Variants in PIP5K1B observed in about 807,000 individuals in gnomAD.
PIP5K1B encodes the protein phosphatidylinositol 4-phosphate 5-kinase type-1 beta.
Under a neutral mutation model 67.0 loss-of-function variants are expected in PIP5K1B, and 42 were observed. The observed-to-expected ratio is 0.63, with a 90% CI of 0.49 to 0.81. The LOEUF is 0.81. Among genes scored for constraint, PIP5K1B ranks in the 30% least tolerant of loss-of-function variants. PIP5K1B has a pLI of 0.00. For missense variants in PIP5K1B, 459 were observed against 646.3 expected (o/e 0.71, Z 3.14); for synonymous variants, 214 against 231.4 (o/e 0.92, Z 0.68).
chr9:68,997,945 A>G (rs1830664025), intron 15 of PIP5K1B, among the ~76,000 whole-genome samples: 1 of 151,236 alleles, frequency 6.6e-6, no homozygotes, highest in Admixed American at 6.6e-5. Context: ...ATTGAATGAC[A>G]GTTTGCAGGG....
chr9:68,827,518 C>T (rs17483165), intron 4 of PIP5K1B, among the ~76,000 whole-genome samples: 14,351 of 152,016 alleles, frequency 0.094, 854 homozygotes, highest in Non-Finnish European at 0.14. Context: ...AGTTTTCAGG[C>T]GGTGATGTAC....
At chr9:68,780,291 G>A (rs773822144) in intron 2 of PIP5K1B, 10 of 1,591,540 alleles carry the variant, frequency 6.3e-6, no homozygotes, top group Non-Finnish European at 7.7e-6. Flanking sequence ...CCTGATCCAC[G>A]GCCTCAGTGA....
intron 8 of PIP5K1B, among the ~76,000 whole-genome samples, chr9:68,898,812 C>T (rs1825220554): frequency 2.0e-5 from 3 of 152,220 alleles, no homozygotes; most frequent in Admixed American, 2.0e-4. Context: ...ACAGCCACTG[C>T]TTTTATTGAG....
At chr9:68,827,269 GGT>G (rs1834035995) in intron 4 of PIP5K1B, among the ~76,000 whole-genome samples, 1 of 152,150 alleles carries the variant, frequency 6.6e-6, no homozygotes, top group African/African-American at 2.4e-5. Context: ...GCTACCCTTG[GGT>G]GCTGGTTTGA....
At chr9:68,930,381 G>C (rs913476898) in intron 12 of PIP5K1B, among the ~76,000 whole-genome samples, 1 of 151,830 alleles carries the variant, frequency 6.6e-6, no homozygotes, top group African/African-American at 2.4e-5. Context: ...CTCTCTACCT[G>C]GGTCCACGTC....
At chr9:68,860,667 A>G (rs1408908285) in intron 4 of PIP5K1B, among the ~76,000 whole-genome samples, 2 of 152,208 alleles carry the variant, frequency 1.3e-5, no homozygotes, top group Non-Finnish European at 2.9e-5. Context: ...ACTCCACCAC[A>G]TACTAGCAAA....
At chr9:68,795,407 C>T (rs140746626) in intron 2 of PIP5K1B, among the ~76,000 whole-genome samples, 1 of 152,230 alleles carries the variant, frequency 6.6e-6, no homozygotes, top group African/African-American at 2.4e-5. Flanking sequence ...AAACTGGTAA[C>T]TTGAATAAAT....
chr9:68,906,479 T>C (rs1355277751), intron 8 of PIP5K1B, among the ~76,000 whole-genome samples: 3 of 152,222 alleles, frequency 2.0e-5, no homozygotes, highest in African/African-American at 7.2e-5. Flanking sequence ...CATGAATTGA[T>C]ATATAACATT....
intron 14 of PIP5K1B, among the ~76,000 whole-genome samples, chr9:68,985,398 C>G (rs1412626489): frequency 6.6e-6 from 1 of 152,018 alleles, no homozygotes; most frequent in African/African-American, 2.4e-5. Context: ...ATTACAGGCT[C>G]CCACCACCAC....
intron 12 of PIP5K1B, among the ~76,000 whole-genome samples, chr9:68,930,891 A>G (rs940204986): frequency 6.6e-6 from 1 of 152,180 alleles, no homozygotes; most frequent in African/African-American, 2.4e-5. Flanking sequence ...GAATAATGCA[A>G]TGAATGAATG....
At chr9:68,900,658 A>G (rs1825312513) in intron 8 of PIP5K1B, among the ~76,000 whole-genome samples, 1 of 152,222 alleles carries the variant, frequency 6.6e-6, no homozygotes, top group Admixed American at 6.5e-5. Context: ...CATTTCAGAG[A>G]CAGTCTTGAT....
At chr9:68,964,450 C>G (rs1828916731) in intron 14 of PIP5K1B, among the ~76,000 whole-genome samples, 1 of 152,230 alleles carries the variant, frequency 6.6e-6, no homozygotes, top group Non-Finnish European at 1.5e-5. Context: ...ATTGGCATCT[C>G]ACTTCTGTGG....
At chr9:68,817,083 G>A (rs922048585) in intron 2 of PIP5K1B, among the ~76,000 whole-genome samples, 4 of 152,172 alleles carry the variant, frequency 2.6e-5, no homozygotes, top group African/African-American at 9.7e-5. Flanking sequence ...AAACAGCCCA[G>A]TATAAAAATA....
chr9:68,795,393 C>G (rs1564141912), intron 2 of PIP5K1B, among the ~76,000 whole-genome samples: 1 of 152,076 alleles, frequency 6.6e-6, no homozygotes, highest in Non-Finnish European at 1.5e-5. Flanking sequence ...GTTATTTATT[C>G]AGAAAACTGG....
intron 13 of PIP5K1B, among the ~76,000 whole-genome samples, chr9:68,937,927 A>G (rs1236250733): frequency 1.3e-5 from 2 of 152,184 alleles, no homozygotes. Context: ...TGAGTTTCTT[A>G]ATCCTGAGTT....
chr9:68,778,497 A>G (rs1460079518), intron 2 of PIP5K1B, among the ~76,000 whole-genome samples: 1 of 152,178 alleles, frequency 6.6e-6, no homozygotes, highest in Non-Finnish European at 1.5e-5. Context: ...TTCTTTCACA[A>G]TCTAAATTTA....
At chr9:68,822,423 AT>A (rs913863802) in intron 3 of PIP5K1B, 191 bp from the exon 4 acceptor site, 4 of 484,242 alleles carry the variant, frequency 8.3e-6, no homozygotes, top group Non-Finnish European at 1.1e-5. Context: ...TTTTAGATTT[AT>A]TTTTGAAAGA....
At chr9:68,877,757 G>T (rs1326212846) in intron 6 of PIP5K1B, among the ~76,000 whole-genome samples, 1 of 152,130 alleles carries the variant, frequency 6.6e-6, no homozygotes, top group Non-Finnish European at 1.5e-5. Context: ...AAGGAAAAAA[G>T]AAAATCTGTG....
At chr9:68,934,062 C>T (rs1297308810) in intron 12 of PIP5K1B, among the ~76,000 whole-genome samples, 1 of 152,168 alleles carries the variant, frequency 6.6e-6, no homozygotes, top group African/African-American at 2.4e-5. Context: ...CTTCCCTCTC[C>T]CCCTCCCTCC....
Sources: allele counts gnomAD v4.1 joint callset (sites outside exome capture counted in the v4.1 genomes callset), GRCh38; gene constraint gnomAD v4.1.1; transcripts MANE v1.5; gene names NCBI Gene and HGNC (gene_info 2026-07-23, HGNC 2026-07-21).